The following DYRK1A variants were observed in gnomAD, a reference collection of about 807,000 sequenced individuals.
DYRK1A encodes dual specificity tyrosine-phosphorylation-regulated kinase 1A.
Under a neutral mutation model 79.7 loss-of-function variants are expected in DYRK1A, and 9 were observed. The ratio of observed to expected loss-of-function variants is 0.11; its 90% CI spans 0.07 to 0.20. The LOEUF (loss-of-function observed/expected upper bound fraction) is 0.20, where lower values mean the gene tolerates loss of function less well. Among genes scored for constraint, DYRK1A ranks in the 10% least tolerant of loss-of-function variants. The pLI, the probability that DYRK1A is intolerant of heterozygous loss-of-function variation, is 1.00. For missense variants in DYRK1A, 622 were observed against 956.0 expected (o/e 0.65, Z 4.61); for synonymous variants, 349 against 329.7 (o/e 1.06, Z -0.63).
intron 1 of DYRK1A, among the ~76,000 whole-genome samples, chr21:37,405,354 C>T (rs1204998472): frequency 6.6e-6 from 1 of 152,148 alleles, no homozygotes; most frequent in African/African-American, 2.4e-5. Flanking sequence ...GCATCCTTTT[C>T]CTAATTCTTG....
intron 2 of DYRK1A, among the ~76,000 whole-genome samples, chr21:37,437,388 T>A (rs2050955397): frequency 6.6e-6 from 1 of 152,188 alleles, no homozygotes; most frequent in Admixed American, 6.5e-5. Flanking sequence ...AGAAGCAGAT[T>A]TTTTTGTGGA....
intron 6 of DYRK1A, chr21:37,487,812 TATA>T (rs1555983168): frequency 6.6e-6 from 1 of 152,208 alleles, no homozygotes; most frequent in Non-Finnish European, 1.5e-5. Context: ...TAGATACTGA[TATA>T]ATTCATAATA....
chr21:37,375,152 C>T (rs1329067227), intron 1 of DYRK1A: 1 of 152,128 alleles, frequency 6.6e-6, no homozygotes, highest in African/African-American at 2.4e-5. Context: ...GAGCTTATGT[C>T]TAGTGAATGG....
At chr21:37,452,717 C>T (rs1005322368) in intron 2 of DYRK1A, among the ~76,000 whole-genome samples, 20 of 143,310 alleles carry the variant, frequency 1.4e-4, no homozygotes, top group African/African-American at 4.7e-4. Context: ...TCCCTGCGCT[C>T]TTTTCTTCAG....
chr21:37,506,369 T>C (rs2053599843), intron 11 of DYRK1A, 146 bp downstream of exon 11: 1 of 1,548,092 alleles, frequency 6.5e-7, no homozygotes, highest in Non-Finnish European at 8.8e-7. Context: ...GTATTTATCA[T>C]AGAGAAGCAC....
chr21:37,495,093 AT>A (rs2053220902), intron 8 of DYRK1A, among the ~76,000 whole-genome samples: 1 of 151,748 alleles, frequency 6.6e-6, no homozygotes, highest in African/African-American at 2.4e-5. Context: ...AGGCACACTC[AT>A]TTAAAGTACT....
intron 1 of DYRK1A, among the ~76,000 whole-genome samples, chr21:37,389,491 G>A (rs537120940): frequency 1.3e-5 from 2 of 152,236 alleles, no homozygotes; most frequent in East Asian, 3.9e-4. Context: ...ATTCGAGGTT[G>A]GTTGAACTTA....
intron 1 of DYRK1A, among the ~76,000 whole-genome samples, chr21:37,374,429 A>AGCTCTAG (rs1481579214): frequency 6.6e-6 from 1 of 151,694 alleles, no homozygotes; most frequent in Non-Finnish European, 1.5e-5. Flanking sequence ...AAATATTATT[A>AGCTCTAG]GCTCTAGTAC....
At chr21:37,416,600 C>T (rs1344903832) in intron 1 of DYRK1A, among the ~76,000 whole-genome samples, 1 of 151,962 alleles carries the variant, frequency 6.6e-6, no homozygotes, top group African/African-American at 2.4e-5. Context: ...TCTTCTGTCA[C>T]TTCTTTAATT....
chr21:37,370,649 C>A (rs1489678614), intron 1 of DYRK1A, among the ~76,000 whole-genome samples: 2 of 152,198 alleles, frequency 1.3e-5, no homozygotes, highest in African/African-American at 4.8e-5. Flanking sequence ...AACCCAAAAA[C>A]TTCCAGAAAG....
Position 37,376,122 on chromosome 21 carries a change from G to GT in DYRK1A, c.-77+8495dup, listed in dbSNP as rs758586347. Reference sequence around the variant, plus strand: ...AGGGGAGAACAGCTGCTTAGTGCAGGTGTCAGTCCAGAAATCAGAATGATG... The same window carrying GT: ...AGGGGAGAACAGCTGCTTAGTGCAGGTTGTCAGTCCAGAAATCAGAATGATG... On this transcript the variant is annotated intron_variant, in intron 1 of 11. Transcript: ENST00000647188. Among the ~76,000 whole-genome samples the GT allele has an allele frequency of 4.6e-5, 7 of 152,290 alleles. No homozygotes were observed. The South Asian group carries it at 1.4e-3, about 32-fold the overall frequency.
At chr21:37,387,705 A>ACATCTTT (rs1179995526) in intron 1 of DYRK1A, among the ~76,000 whole-genome samples, 3 of 152,134 alleles carry the variant, frequency 2.0e-5, no homozygotes, top group Non-Finnish European at 4.4e-5. Flanking sequence ...TTACTGGAGG[A>ACATCTTT]CATCTTTCAA....
chr21:37,371,683 A>G (rs1025509321), intron 1 of DYRK1A, among the ~76,000 whole-genome samples: 2 of 152,208 alleles, frequency 1.3e-5, no homozygotes, highest in African/African-American at 2.4e-5. Flanking sequence ...GCAGATGCTC[A>G]TATCTGATAC....
At chr21:37,408,060 CTTAG>C (rs1216946087) in intron 1 of DYRK1A, among the ~76,000 whole-genome samples, 2 of 152,102 alleles carry the variant, frequency 1.3e-5, no homozygotes, top group Non-Finnish European at 2.9e-5. Context: ...TTGTTAGTGA[CTTAG>C]TTAAAAACAT....
chr21:37,518,101 A>G lies in DYRK1A; in HGVS notation c.*5570A>G, dbSNP rs910097125. On this transcript the variant is annotated 3_prime_UTR_variant, in exon 12 of 12. Transcript: ENST00000647188. ...TGCTGAGTTGCTCAGGCGCTCCTCA[A>G]ACTGCTGGCCTCAAGTGATCCTCCA... 1 of 152,236 alleles carries G rather than the reference A, an allele frequency of 6.6e-6. No homozygotes were observed. Among genetic ancestry groups the G allele is most frequent in the African/African-American group, 2.4e-5 (1 of 41,426 alleles). The allele number at this position is 152,236 out of a possible 1,614,324, so 9.4% of individuals were successfully genotyped here.
At chr21:37,484,798 G>C (rs989744489) in intron 5 of DYRK1A, among the ~76,000 whole-genome samples, 1 of 152,108 alleles carries the variant, frequency 6.6e-6, no homozygotes, top group East Asian at 1.9e-4. Flanking sequence ...CAGAACAAGT[G>C]AGCACAGGAA....
chr21:37,440,881 T>G (rs544175906), intron 2 of DYRK1A, among the ~76,000 whole-genome samples: 2 of 152,322 alleles, frequency 1.3e-5, no homozygotes, highest in Non-Finnish European at 2.9e-5. Context: ...CTGCTGTTCT[T>G]TGGTAGAATA....
chr21:37,503,494 T>C (rs2053511145), intron 9 of DYRK1A: 7 of 152,246 alleles, frequency 4.6e-5, no homozygotes, highest in Admixed American at 4.6e-4. Context: ...TGATCATGGC[T>C]GATTACAGCC....
chr21:37,444,973 G>T (rs968321028), intron 2 of DYRK1A, among the ~76,000 whole-genome samples: 9 of 152,188 alleles, frequency 5.9e-5, no homozygotes, highest in Admixed American at 2.6e-4. Context: ...GAGGTGACAT[G>T]CAATTATTTC....
Sources: gnomAD v4.1 joint callset for allele counts (sites outside exome capture counted in the v4.1 genomes callset) on GRCh38, gnomAD v4.1.1 for gene constraint, MANE v1.5 for transcripts, NCBI Gene and HGNC (gene_info 2026-07-23, HGNC 2026-07-21) for gene names.